Variants in MISP observed in about 807,000 individuals in gnomAD.
MISP encodes mitotic spindle positioning.
A neutral mutation model predicts 49.3 loss-of-function variants in MISP; 51 were observed. The observed-to-expected ratio is 1.03, with a 90% CI of 0.83 to 1.31. MISP has a LOEUF of 1.31. Among genes scored for constraint, MISP ranks in the 50% most tolerant of loss-of-function variants. MISP has a pLI of 0.00. For synonymous variants in MISP, 444 were observed against 392.6 expected (o/e 1.13, Z -1.55); for missense variants, 1,084 against 935.1 (o/e 1.16, Z -2.08).
At chr19:762,739 A>T (rs2033693662) in intron 4 of MISP, among the ~76,000 whole-genome samples, 1 of 151,832 alleles carries the variant, frequency 6.6e-6, no homozygotes, top group South Asian at 2.1e-4. Flanking sequence ...GCTCACTGCA[A>T]CCTTGACCTC....
Position 758,659 on chromosome 19 carries a change from A to G in MISP, c.1713A>G (p.Pro571=), listed in dbSNP as rs746191994. 13 of 1,614,126 alleles carry G rather than the reference A, an allele frequency of 8.1e-6. No homozygotes were observed. The African/African-American group carries it at 1.3e-4, about 17-fold the overall frequency. The change falls in exon 2 of 5, where the codon CCA becomes CCG. Residue 571 remains proline (P), a synonymous_variant. Coordinates refer to ENST00000215582, the MANE Select transcript of MISP (RefSeq NM_173481.4). The stretch of plus-strand genomic sequence containing the variant: ...AGGAGCGGAGAAATGCTCTCTTCCC[A>G]GAGGTCTTCTCCCCAACGCCAGATG... ...VAEERRNALF[P]EVFSPTPDEN...
rs948425108 is a variant in MISP at position 758,855 on chromosome 19, C to A, written c.1780+129C>A. The A allele has an allele frequency of 1.2e-5, 8 of 683,632 alleles. No homozygotes were observed. In the African/African-American group the frequency reaches 1.4e-4, roughly 12 times the overall value. 42.3% of individuals were successfully genotyped at this position (683,632 alleles called of 1,614,324 possible). A position where few individuals can be genotyped will look rare whatever the true frequency, so the allele number is the denominator to read the frequency against. ...GGGGAGACATTGCCTCCTGACTGTT[C>A]ATCCCCTCAGTCGCTGGTTTGTCTG... On this transcript the variant is annotated intron_variant, in intron 2 of 4. Coordinates refer to ENST00000215582, the MANE Select transcript of MISP (RefSeq NM_173481.4).
Position 757,333 on chromosome 19 carries a change from G to A in MISP, c.387G>A (p.Gly129=), listed in dbSNP as rs1404971642. 2 of 1,613,898 alleles carry A rather than the reference G, an allele frequency of 1.2e-6. No homozygotes were observed. Among genetic ancestry groups the A allele is most frequent in the Admixed American group, 3.3e-5 (2 of 59,992 alleles). The change falls in exon 2 of 5, where the codon GGG becomes GGA. Residue 129 remains glycine, a synonymous_variant. Coordinates refer to ENST00000215582, the MANE Select transcript of MISP (RefSeq NM_173481.4). The part of the protein sequence containing the change: ...KEMKTYRLDA[G]DADPRRLCDL... ...TGAAGACCTACCGCCTGGATGCTGGGGACGCTGACCCCAGGAGGCTGTGTG... is the reference window on the plus strand; with the variant it reads ...TGAAGACCTACCGCCTGGATGCTGGAGACGCTGACCCCAGGAGGCTGTGTG...
intron 2 of MISP, among the ~76,000 whole-genome samples, chr19:759,093 A>G (rs1243830244): frequency 3.0e-4 from 44 of 149,032 alleles, no homozygotes; most frequent in Non-Finnish European, 6.0e-4. Context: ...GCAGGATCTC[A>G]ACTCACTGTA....
At chr19:763,353 A>G in intron 4 of MISP, 148 bp from the exon 5 acceptor site, 8 of 611,848 alleles carry the variant, frequency 1.3e-5, no homozygotes, top group Non-Finnish European at 2.1e-5. Flanking sequence ...TTCTTTGATC[A>G]TATTACTAGG....
intron 1 of MISP, among the ~76,000 whole-genome samples, chr19:754,188 G>C (rs2033507374): frequency 6.6e-6 from 1 of 152,148 alleles, no homozygotes; most frequent in South Asian, 2.1e-4. Flanking sequence ...GTCCTGGCTG[G>C]GCGCGGTGGC....
intron 4 of MISP, among the ~76,000 whole-genome samples, chr19:762,284 G>T (rs28707562): frequency 6.6e-6 from 1 of 150,854 alleles, no homozygotes; most frequent in Admixed American, 6.6e-5. Context: ...ATGGAGTCTC[G>T]CTCTGTTGCC....
At chr19:753,087 C>G (rs73490504) in intron 1 of MISP, among the ~76,000 whole-genome samples, 2,484 of 152,322 alleles carry the variant, frequency 0.016, 77 homozygotes, top group African/African-American at 0.056. Flanking sequence ...TGGGAGAAGG[C>G]AAGGCCTTCC....
Position 758,634 on chromosome 19 carries a change from A to G in MISP, c.1688A>G (p.Glu563Gly). Reference protein sequence around the residue: ...SVLRREQEVAEERRNALFPEV... With the variant: ...SVLRREQEVAGERRNALFPEV... ...CTGCGCCGGGAGCAAGAGGTGGCAGAGGAGCGGAGAAATGCTCTCTTCCCA... is the reference window on the plus strand; with the variant it reads ...CTGCGCCGGGAGCAAGAGGTGGCAGGGGAGCGGAGAAATGCTCTCTTCCCA... Residue 563 changes from glutamate (E) to glycine (G), a missense_variant, in exon 2 of 5, where the codon GAG (glutamate) becomes GGG (glycine). By Grantham distance (98) the Glu-to-Gly change is moderately conservative. Coordinates refer to ENST00000215582, the MANE Select transcript of MISP (RefSeq NM_173481.4). 6.2e-7 allele frequency: 1 copy of G among 1,614,248 alleles called. No individual in the cohort carries two copies. The highest frequency in any genetic ancestry group is 8.5e-7 in the Non-Finnish European group (1 of 1,180,042).
chr19:761,701 C>T, intron 4 of MISP, 38 bp downstream of exon 4: 1 of 1,612,100 alleles, frequency 6.2e-7, no homozygotes. Flanking sequence ...CAAGTCTTTC[C>T]CCCCCACATC....
At chr19:760,208 G>T (rs567667163) in intron 3 of MISP, among the ~76,000 whole-genome samples, 169 bp downstream of exon 3, 1 of 151,850 alleles carries the variant, frequency 6.6e-6, no homozygotes, top group Non-Finnish European at 1.5e-5. Context: ...GATAAACTTG[G>T]TGTCCTTGTA....
intron 1 of MISP, among the ~76,000 whole-genome samples, chr19:752,291 A>C (rs1250422717): frequency 6.6e-6 from 1 of 152,196 alleles, no homozygotes; most frequent in Non-Finnish European, 1.5e-5. Context: ...GCTGCCCAAG[A>C]ATGCCGGCCA....
At chr19:751,507 G>A (rs1298125904) in intron 1 of MISP, among the ~76,000 whole-genome samples, 1 of 152,216 alleles carries the variant, frequency 6.6e-6, no homozygotes, top group Admixed American at 6.5e-5. Flanking sequence ...TCAGAGGCCA[G>A]AGGGGCCCCT....
chr19:761,398 C>A (rs991284986), intron 3 of MISP, among the ~76,000 whole-genome samples: 1 of 152,026 alleles, frequency 6.6e-6, no homozygotes, highest in Non-Finnish European at 1.5e-5. Flanking sequence ...TTAAATAAAT[C>A]ATGAATGTTG....
rs963965612 is a variant in MISP at position 757,138 on chromosome 19, G to T, written c.192G>T (p.Gln64His). Reference protein sequence around the residue: ...DHRAQQGVQRQGVSYSVHAYT... With the variant: ...DHRAQQGVQRHGVSYSVHAYT... ...GGGCCCAGCAGGGCGTGCAGAGGCA[G>T]GGGGTGTCCTACAGCGTGCATGCCT... The change falls in exon 2 of 5, where the codon CAG (glutamine) becomes CAT (histidine). Residue 64 changes from glutamine (Q) to histidine (H), a missense_variant. Physicochemically the swap from Gln to His is conservative, Grantham distance 24. Coordinates refer to ENST00000215582, the MANE Select transcript of MISP (RefSeq NM_173481.4). 6.2e-7 allele frequency: 1 copy of T among 1,613,280 alleles called. No homozygotes were observed. Among genetic ancestry groups the T allele is most frequent in the Admixed American group, 1.7e-5 (1 of 60,028 alleles).
intron 3 of MISP, 24 bp downstream of exon 3, chr19:760,063 A>G: frequency 8.7e-6 from 14 of 1,612,874 alleles, no homozygotes; most frequent in Non-Finnish European, 1.2e-5. Context: ...CCGTCTCTGC[A>G]GAGGCCAGGC....
Position 760,055 on chromosome 19 carries a change from G to A in MISP, c.1911+16G>A, listed in dbSNP as rs369571645. On this transcript the variant is annotated intron_variant, in intron 3 of 4. Transcript: ENST00000215582. ...GGAGCAATGGGTGAGTCTGGAACCC[G>A]TCTCTGCAGAGGCCAGGCTGAGGTC... The A allele has an allele frequency of 1.2e-5, 20 of 1,613,022 alleles. No individual in the cohort carries two copies. The highest frequency in any genetic ancestry group is 4.5e-5 in the East Asian group (2 of 44,870).
Position 757,186 on chromosome 19 carries a change from G to C in MISP, c.240G>C (p.Arg80=). The C allele has an allele frequency of 6.2e-7, 1 of 1,613,528 alleles. No individual in the cohort carries two copies. Among genetic ancestry groups the C allele is most frequent in the African/African-American group, 1.3e-5 (1 of 75,056 alleles). The change falls in exon 2 of 5, where the codon CGG becomes CGC. Residue 80 remains arginine, a synonymous_variant. Transcript: ENST00000215582. ...CCTACACTGGCCAGCCGTCCCCACG[G>C]GGGCTCCACTCGGAGAACAGGGAGG... ...VHAYTGQPSP[R]GLHSENREDE... is the part of the protein sequence containing the mutation.
At chr19:754,457 C>T (rs190608258) in intron 1 of MISP, among the ~76,000 whole-genome samples, 7 of 151,486 alleles carry the variant, frequency 4.6e-5, no homozygotes, top group African/African-American at 1.7e-4. Context: ...AGTGAGACTC[C>T]GCCTCAAAAA....
Sources: allele counts gnomAD v4.1 joint callset (sites outside exome capture counted in the v4.1 genomes callset), GRCh38; gene constraint gnomAD v4.1.1; transcripts MANE v1.5; gene names NCBI Gene and HGNC (gene_info 2026-07-23, HGNC 2026-07-21).